Variants in CCDC178 observed in about 807,000 individuals in gnomAD.
CCDC178 encodes coiled-coil domain-containing protein 178.
CCDC178 carries 126 observed loss-of-function variants against 117.4 expected under a neutral mutation model. That is an observed-to-expected ratio of 1.07 (90% CI 0.93 to 1.24). The LOEUF (loss-of-function observed/expected upper bound fraction) is 1.24. Ranked by LOEUF, CCDC178 falls within the 50% of genes most tolerant of loss-of-function variation. CCDC178 has a pLI of 0.00. For synonymous variants in CCDC178, 283 were observed against 313.4 expected, an observed-to-expected ratio of 0.90 and a Z score of 1.02; for missense variants, 1,030 against 986.9, an observed-to-expected ratio of 1.04 and a Z score of -0.59.
intron 20 of CCDC178, among the ~76,000 whole-genome samples, chr18:33,146,310 G>A (rs1336355658): frequency 6.6e-6 from 1 of 152,146 alleles, no homozygotes; most frequent in Non-Finnish European, 1.5e-5. Context: ...AAAAGTGAGA[G>A]ATAAAATTGA....
chr18:33,372,525 A>G (rs1250454483), intron 5 of CCDC178, among the ~76,000 whole-genome samples: 1 of 152,114 alleles, frequency 6.6e-6, no homozygotes, highest in Non-Finnish European at 1.5e-5. Flanking sequence ...AAGCCTGTGC[A>G]CAAATGGTCA....
At chr18:32,958,127 A>T in intron 22 of CCDC178, 1 of 481,672 alleles carries the variant, frequency 2.1e-6, no homozygotes, top group South Asian at 2.7e-5. Context: ...ATGAATTCTG[A>T]TGAGAAATAA....
intron 15 of CCDC178, among the ~76,000 whole-genome samples, chr18:33,236,661 C>T (rs560787662): frequency 3.9e-5 from 6 of 152,210 alleles, no homozygotes; most frequent in Middle Eastern, 3.4e-3. Flanking sequence ...GGAGTTCATC[C>T]GCACCCCAAA....
At chr18:33,047,359 T>C (rs1362996497) in intron 21 of CCDC178, among the ~76,000 whole-genome samples, 2 of 152,182 alleles carry the variant, frequency 1.3e-5, no homozygotes, top group Non-Finnish European at 1.5e-5. Context: ...TTAACCAATA[T>C]GTTACAAAGT....
intron 9 of CCDC178, among the ~76,000 whole-genome samples, chr18:33,343,243 C>T (rs2062840168): frequency 1.3e-5 from 2 of 152,102 alleles, no homozygotes; most frequent in African/African-American, 4.8e-5. Flanking sequence ...CACAAGTTTA[C>T]TTGTGTCTTC....
chr18:33,380,176 G>GC (rs2063423720), intron 5 of CCDC178, among the ~76,000 whole-genome samples: 1 of 152,156 alleles, frequency 6.6e-6, no homozygotes, highest in East Asian at 1.9e-4. Flanking sequence ...GATCGTGATT[G>GC]CAAGTCTCAT....
intron 15 of CCDC178, among the ~76,000 whole-genome samples, chr18:33,229,232 T>C (rs1188710966): frequency 1.3e-5 from 2 of 152,110 alleles, no homozygotes; most frequent in African/African-American, 2.4e-5. Flanking sequence ...TAATGGACCA[T>C]CAGATTTGCC....
intron 21 of CCDC178, among the ~76,000 whole-genome samples, chr18:33,048,680 C>CT (rs1194191304): frequency 6.6e-6 from 1 of 152,054 alleles, no homozygotes; most frequent in African/African-American, 2.4e-5. Context: ...AGAATCGTTG[C>CT]TTTTATCTGT....
At chr18:33,110,263 T>G (rs983387629) in intron 20 of CCDC178, among the ~76,000 whole-genome samples, 2 of 151,650 alleles carry the variant, frequency 1.3e-5, no homozygotes, top group African/African-American at 4.8e-5. Flanking sequence ...TATTGTTTTG[T>G]TACAGTTTCT....
intron 15 of CCDC178, among the ~76,000 whole-genome samples, chr18:33,238,616 A>G (rs2059452552): frequency 6.6e-6 from 1 of 152,156 alleles, no homozygotes; most frequent in African/African-American, 2.4e-5. Context: ...AAAACAATGA[A>G]AAGAATGACA....
chr18:33,280,596 T>C (rs1432171572), intron 12 of CCDC178, among the ~76,000 whole-genome samples: 1 of 151,802 alleles, frequency 6.6e-6, no homozygotes, highest in Non-Finnish European at 1.5e-5. Flanking sequence ...AGCCATCCCA[T>C]TACTGGGTAT....
intron 20 of CCDC178, among the ~76,000 whole-genome samples, chr18:33,142,068 A>C (rs2058212745): frequency 6.6e-6 from 1 of 152,226 alleles, no homozygotes; most frequent in African/African-American, 2.4e-5. Context: ...AACTATAGTT[A>C]AATAGGTGTT....
At chr18:33,301,013 A>C (rs1046921173) in intron 11 of CCDC178, among the ~76,000 whole-genome samples, 1 of 152,224 alleles carries the variant, frequency 6.6e-6, no homozygotes, top group Non-Finnish European at 1.5e-5. Flanking sequence ...TCACAGAGGC[A>C]GCTCCTCCCA....
chr18:33,404,154 A>G (rs1008048588), intron 3 of CCDC178, among the ~76,000 whole-genome samples: 1 of 152,142 alleles, frequency 6.6e-6, no homozygotes, highest in Non-Finnish European at 1.5e-5. Context: ...CATTTGTCAA[A>G]ACCCAGAGAT....
At chr18:33,099,763 A>G (rs1049410219) in intron 20 of CCDC178, among the ~76,000 whole-genome samples, 4 of 151,996 alleles carry the variant, frequency 2.6e-5, no homozygotes, top group African/African-American at 4.8e-5. Context: ...TGTAAGAATG[A>G]TATGTGTCGA....
chr18:33,149,483 G>C (rs1302983928), intron 20 of CCDC178, among the ~76,000 whole-genome samples: 1 of 152,170 alleles, frequency 6.6e-6, no homozygotes. Flanking sequence ...CCACACAGTA[G>C]GAAAGCTAGT....
chr18:33,274,965 A>G (rs1290280664), intron 12 of CCDC178, among the ~76,000 whole-genome samples: 1 of 152,082 alleles, frequency 6.6e-6, no homozygotes, highest in African/African-American at 2.4e-5. Flanking sequence ...AGTCACTAGT[A>G]TTATGTCCTT....
At position 33,440,681 on chromosome 18, in the gene CCDC178, C is replaced by A. The variant is rs1158097753; in HGVS notation, c.-171G>T. 6.5e-6 allele frequency: 1 copy of A among 152,818 alleles called. No individual in the cohort carries two copies. Among genetic ancestry groups the A allele is most frequent in the East Asian group, 1.9e-4 (1 of 5,164 alleles). The allele number at this position is 152,818 out of a possible 1,614,324, so 9.5% of individuals were successfully genotyped here. A position where few individuals can be genotyped will look rare whatever the true frequency, so the allele number is the denominator to read the frequency against. On this transcript the variant is annotated 5_prime_UTR_variant, in exon 1 of 23. Transcript: ENST00000383096. ...CTCCGCGCGTTTCCCCGCGCGTCTC[C>A]CGGACCCGCGCCTGCCCACCCCTCC...
At chr18:33,183,906 G>A (rs1044412638) in intron 20 of CCDC178, among the ~76,000 whole-genome samples, 1 of 151,978 alleles carries the variant, frequency 6.6e-6, no homozygotes, top group Non-Finnish European at 1.5e-5. Flanking sequence ...AAATTATCTG[G>A]GGAGATTCAC....
Sources: allele counts gnomAD v4.1 joint callset (sites outside exome capture counted in the v4.1 genomes callset), GRCh38; gene constraint gnomAD v4.1.1; transcripts MANE v1.5; gene names NCBI Gene and HGNC (gene_info 2026-07-23, HGNC 2026-07-21).